The following CBLB variants were observed in gnomAD, a reference collection of about 807,000 sequenced individuals.
The protein encoded by CBLB is Cbl proto-oncogene B, also known as E3 ubiquitin-protein ligase CBL-B.
In CBLB, 31 loss-of-function variants were observed where a neutral mutation model predicts 104.9. The ratio of observed to expected loss-of-function variants is 0.30; its 90% confidence interval spans 0.22 to 0.40. CBLB has a LOEUF of 0.40. Ranked by LOEUF, CBLB falls within the 10% of genes least tolerant of loss-of-function variation. The pLI, the probability that CBLB is intolerant of heterozygous loss-of-function variation, is 1.00. For missense variants in CBLB, 1,062 were observed against 1,214.6 expected, an observed-to-expected ratio of 0.87 and a Z score of 1.87; for synonymous variants, 440 against 422.6, an observed-to-expected ratio of 1.04 and a Z score of -0.51.
chr3:105,805,737 TCTC>T (rs1446849552), intron 3 of CBLB, among the ~76,000 whole-genome samples: 1 of 152,152 alleles, frequency 6.6e-6, no homozygotes, highest in Non-Finnish European at 1.5e-5. Context: ...AATCCATTCA[TCTC>T]CTAGTGAAAC....
chr3:105,827,273 C>A (rs1275818108), intron 3 of CBLB, among the ~76,000 whole-genome samples: 1 of 152,152 alleles, frequency 6.6e-6, no homozygotes, highest in Non-Finnish European at 1.5e-5. Flanking sequence ...AAATGACAAA[C>A]CAAACAATGC....
At chr3:105,724,092 G>A (rs2073269297) in intron 9 of CBLB, 1 of 174,550 alleles carries the variant, frequency 5.7e-6, no homozygotes, top group African/African-American at 2.4e-5. Context: ...ATTATAACTG[G>A]AAAAATTATA....
At chr3:105,755,561 G>C (rs1032739700) in intron 4 of CBLB, among the ~76,000 whole-genome samples, 5 of 151,688 alleles carry the variant, frequency 3.3e-5, no homozygotes, top group African/African-American at 9.7e-5. Context: ...AAGGCTACAG[G>C]GTTTTAGTTT....
rs1439901899 is a variant in CBLB at position 105,731,589 on chromosome 3, G to A, written c.1203+2420C>T. Among the ~76,000 whole-genome samples the A allele has an allele frequency of 6.6e-5, 10 of 151,904 alleles. No individual in the cohort carries two copies. In the South Asian group the frequency reaches 1.2e-3, roughly 19 times the overall value. ...TCAGCCATACTTTTCTACTCACCCT[G>A]GGCTGCAAGGCAAACAACTATTTTA... is the stretch of plus-strand genomic sequence containing the variant. On this transcript the variant is annotated intron_variant, in intron 9 of 18. Coordinates refer to ENST00000394030, the MANE Select transcript of CBLB (RefSeq NM_170662.5).
At chr3:105,860,210 A>G (rs1263985980) in intron 2 of CBLB, among the ~76,000 whole-genome samples, 1 of 152,220 alleles carries the variant, frequency 6.6e-6, no homozygotes, top group East Asian at 1.9e-4. Context: ...TGCAACAAAT[A>G]TTTGATGGCA....
intron 3 of CBLB, among the ~76,000 whole-genome samples, chr3:105,778,968 C>A (rs2079814852): frequency 6.6e-6 from 1 of 152,086 alleles, no homozygotes; most frequent in Non-Finnish European, 1.5e-5. Flanking sequence ...ATAAAGTCAC[C>A]TTAGGAAATC....
chr3:105,791,331 G>C (rs2152995355), intron 3 of CBLB, among the ~76,000 whole-genome samples: 1 of 152,284 alleles, frequency 6.6e-6, no homozygotes, highest in Non-Finnish European at 1.5e-5. Flanking sequence ...TCACACTGTT[G>C]ATGTACTTCT....
At chr3:105,774,631 T>C (rs376963855) in intron 4 of CBLB, among the ~76,000 whole-genome samples, 1 of 152,174 alleles carries the variant, frequency 6.6e-6, no homozygotes, top group Non-Finnish European at 1.5e-5. Flanking sequence ...ATTTCACTCA[T>C]GTAGCAGTTG....
chr3:105,723,287 A>G (rs2073144962), intron 9 of CBLB, among the ~76,000 whole-genome samples: 1 of 152,210 alleles, frequency 6.6e-6, no homozygotes, highest in South Asian at 2.1e-4. Context: ...ATCAAATAAT[A>G]TGCATTAATG....
intron 18 of CBLB, among the ~76,000 whole-genome samples, chr3:105,666,648 T>G (rs1559740358): frequency 6.6e-6 from 1 of 152,048 alleles, no homozygotes; most frequent in Non-Finnish European, 1.5e-5. Flanking sequence ...ATCACGCCAC[T>G]GCACTCCAGC....
chr3:105,851,369 G>A (rs955288389), intron 3 of CBLB, among the ~76,000 whole-genome samples: 2 of 150,466 alleles, frequency 1.3e-5, no homozygotes, highest in Non-Finnish European at 3.0e-5. Flanking sequence ...CGGTTGCCAT[G>A]GGTTCAGGGG....
At chr3:105,844,332 G>A (rs57520912) in intron 3 of CBLB, among the ~76,000 whole-genome samples, 34,971 of 152,114 alleles carry the variant, frequency 0.23, 4,307 homozygotes, top group East Asian at 0.42. Flanking sequence ...ACCGCAGCCC[G>A]AAGAAACAAA....
At chr3:105,826,858 T>C (rs1466744017) in intron 3 of CBLB, among the ~76,000 whole-genome samples, 1 of 152,218 alleles carries the variant, frequency 6.6e-6, no homozygotes, top group African/African-American at 2.4e-5. Context: ...TTCCCTCAAC[T>C]TTCTCATTCA....
At chr3:105,679,657 T>G (rs1175612057) in intron 16 of CBLB, among the ~76,000 whole-genome samples, 1 of 151,686 alleles carries the variant, frequency 6.6e-6, no homozygotes, top group Non-Finnish European at 1.5e-5. Flanking sequence ...GTGACTGTAA[T>G]CCTGGCTACT....
At chr3:105,679,760 G>A (rs535573045) in intron 16 of CBLB, among the ~76,000 whole-genome samples, 1 of 103,494 alleles carries the variant, frequency 9.7e-6, no homozygotes, top group Non-Finnish European at 2.0e-5. Context: ...TGGTGACAGA[G>A]AAAGACTGTC....
chr3:105,734,422 A>C (rs1359126266), intron 8 of CBLB, among the ~76,000 whole-genome samples: 1 of 152,218 alleles, frequency 6.6e-6, no homozygotes, highest in East Asian at 1.9e-4. Context: ...GACTTGCTTC[A>C]ATAGTCATGG....
intron 2 of CBLB, among the ~76,000 whole-genome samples, chr3:105,862,760 C>T (rs1263295746): frequency 1.3e-5 from 2 of 152,028 alleles, no homozygotes; most frequent in African/African-American, 4.8e-5. Context: ...TATCATCTTA[C>T]CCTAACTTCC....
intron 13 of CBLB, among the ~76,000 whole-genome samples, chr3:105,693,138 A>G (rs547197621): frequency 6.6e-6 from 1 of 152,132 alleles, no homozygotes; most frequent in East Asian, 1.9e-4. Context: ...AGATTATTTT[A>G]TGATGTCAAA....
chr3:105,799,883 G>A (rs1316807528), intron 3 of CBLB, among the ~76,000 whole-genome samples: 5 of 152,088 alleles, frequency 3.3e-5, no homozygotes, highest in Non-Finnish European at 7.4e-5. Context: ...CATAACTAAG[G>A]TAATGGCTGG....
Sources: allele counts gnomAD v4.1 joint callset (sites outside exome capture counted in the v4.1 genomes callset), GRCh38; gene constraint gnomAD v4.1.1; transcripts MANE v1.5; gene names NCBI Gene and HGNC (gene_info 2026-07-23, HGNC 2026-07-21).